The following PUM1 variants were observed in gnomAD, a reference collection of about 807,000 sequenced individuals.
The protein encoded by PUM1 is pumilio RNA binding family member 1.
A neutral mutation model predicts 131.8 loss-of-function variants in PUM1; 13 were observed. The ratio of observed to expected loss-of-function variants is 0.10; its 90% CI spans 0.06 to 0.16. The LOEUF (loss-of-function observed/expected upper bound fraction) is 0.16, where lower values mean the gene tolerates loss of function less well. Among genes scored for constraint, PUM1 ranks in the 10% least tolerant of loss-of-function variants. The pLI, the probability that PUM1 is intolerant of heterozygous loss-of-function variation, is 1.00. For missense variants in PUM1, 961 were observed against 1,512.4 expected, an observed-to-expected ratio of 0.64 and a Z score of 6.05; for synonymous variants, 509 against 556.5, an observed-to-expected ratio of 0.91 and a Z score of 1.20.
At chr1:30,956,736 A>C (rs1318384675) in intron 14 of PUM1, among the ~76,000 whole-genome samples, 2 of 152,186 alleles carry the variant, frequency 1.3e-5, no homozygotes, top group Non-Finnish European at 2.9e-5. Context: ...TGTTTTGAAA[A>C]CAATTTAAAG....
chr1:30,947,019 CT>C (rs1268303670), intron 17 of PUM1, among the ~76,000 whole-genome samples: 1 of 152,338 alleles, frequency 6.6e-6, no homozygotes, highest in East Asian at 1.9e-4. Context: ...GAGTTTACCC[CT>C]GGTTAGGCAT....
intron 9 of PUM1, among the ~76,000 whole-genome samples, chr1:30,979,250 A>G (rs1264009567): frequency 1.3e-5 from 2 of 152,248 alleles, no homozygotes; most frequent in Non-Finnish European, 2.9e-5. Context: ...AAAAGAGCTT[A>G]CTACAGAAGA....
intron 6 of PUM1, 76 bp from the exon 7 acceptor site, chr1:30,992,736 A>T: frequency 3.9e-6 from 5 of 1,282,730 alleles, no homozygotes; most frequent in Non-Finnish European, 5.5e-6. Context: ...TTTAAGGACA[A>T]TGTCCTCAAC....
intron 2 of PUM1, among the ~76,000 whole-genome samples, chr1:31,058,971 ACT>A (rs1417580596): frequency 9.2e-5 from 14 of 151,976 alleles, no homozygotes; most frequent in Non-Finnish European, 1.8e-4. Context: ...ACAGAGCAAG[ACT>A]CTGTCTCAAA....
At chr1:30,997,937 C>T (rs970536695) in intron 5 of PUM1, among the ~76,000 whole-genome samples, 14 of 149,686 alleles carry the variant, frequency 9.4e-5, no homozygotes, top group African/African-American at 2.5e-4. Flanking sequence ...TATACTGCCA[C>T]GGGCCAGATT....
At chr1:30,981,281 T>A in intron 8 of PUM1, 31 bp downstream of exon 8, 17 of 1,411,894 alleles carry the variant, frequency 1.2e-5, no homozygotes, top group Non-Finnish European at 1.7e-5. Flanking sequence ...GCCACACCTA[T>A]CATGAAAGAG....
intron 3 of PUM1, among the ~76,000 whole-genome samples, chr1:31,017,689 C>G (rs1472600466): frequency 1.3e-5 from 2 of 152,108 alleles, no homozygotes; most frequent in East Asian, 3.9e-4. Context: ...CCAAGGTAGG[C>G]AGAAATGAAA....
intron 21 of PUM1, among the ~76,000 whole-genome samples, chr1:30,934,568 A>AG (rs1639119175): frequency 6.6e-6 from 1 of 152,180 alleles, no homozygotes; most frequent in Non-Finnish European, 1.5e-5. Context: ...GGTGGCAAAC[A>AG]GTCCTTGGTT....
chr1:31,053,288 C>CTG, intron 2 of PUM1, among the ~76,000 whole-genome samples: 1 of 151,192 alleles, frequency 6.6e-6, no homozygotes, highest in African/African-American at 2.4e-5. Flanking sequence ...GCGTGAGCCA[C>CTG]CACGCCCAGT....
rs150925328 is a variant in PUM1, at chr1:30,938,245, T to C, written c.3243-1410A>G. Among the ~76,000 whole-genome samples the C allele has an allele frequency of 2.3e-3, 344 of 152,114 alleles. 2 individuals are homozygous for C. The highest frequency in any genetic ancestry group is 8.0e-3 in the African/African-American group (333 of 41,506). ...GGTGACCCAGAGTACAAAGTAAATT[T>C]TTCCACCATTTGAAAAAATTTTTGT... On this transcript the variant is annotated intron_variant, in intron 20 of 21. Coordinates refer to ENST00000426105, the MANE Select transcript of PUM1 (RefSeq NM_001020658.2).
chr1:30,989,362 A>T (rs1450512966), intron 7 of PUM1, among the ~76,000 whole-genome samples: 1 of 152,118 alleles, frequency 6.6e-6, no homozygotes, highest in African/African-American at 2.4e-5. Context: ...ACCTGAGGTC[A>T]GGAGTTCGAA....
At chr1:30,999,382 G>A (rs936011904) in intron 5 of PUM1, among the ~76,000 whole-genome samples, 5 of 151,914 alleles carry the variant, frequency 3.3e-5, no homozygotes, top group African/African-American at 7.3e-5. Context: ...CGAGGCAGGC[G>A]GATCACCTGA....
intron 11 of PUM1, 144 bp from the exon 12 acceptor site, chr1:30,967,454 G>C (rs1049883743): frequency 4.4e-6 from 3 of 680,262 alleles, no homozygotes; most frequent in Admixed American, 6.0e-5. Flanking sequence ...TTAAATAGTT[G>C]AATAAACAGA....
chr1:31,011,954 G>A (rs1570268838), intron 3 of PUM1, among the ~76,000 whole-genome samples: 1 of 152,198 alleles, frequency 6.6e-6, no homozygotes, highest in Non-Finnish European at 1.5e-5. Context: ...GGAATCAGAT[G>A]TAGCCAGTAT....
At chr1:30,967,365 T>G in intron 11 of PUM1, 55 bp from the exon 12 acceptor site, 3 of 1,537,262 alleles carry the variant, frequency 2.0e-6, no homozygotes, top group Non-Finnish European at 2.7e-6. Flanking sequence ...AAGTATCTCC[T>G]GGGCACCAAC....
intron 16 of PUM1, among the ~76,000 whole-genome samples, chr1:30,951,722 T>G (rs947814739): frequency 1.3e-5 from 2 of 152,208 alleles, no homozygotes; most frequent in Non-Finnish European, 2.9e-5. Flanking sequence ...GTGAACATTA[T>G]TCAAATTAAC....
At chr1:30,980,217 A>T in intron 8 of PUM1, 54 bp from the exon 9 acceptor site, 1 of 1,348,918 alleles carries the variant, frequency 7.4e-7, no homozygotes, top group Non-Finnish European at 1.1e-6. Context: ...CTGCAGCCCT[A>T]TCAAATACCT....
At chr1:30,942,192 TATATATATATATA>T in intron 18 of PUM1, 69 bp from the exon 19 acceptor site, 1 of 160,016 alleles carries the variant, frequency 6.2e-6, no homozygotes. Context: ...CAGTATTGTT[TATATATATATATA>T]TATATATATA....
At chr1:30,946,105 A>G (rs1267585237) in intron 17 of PUM1, among the ~76,000 whole-genome samples, 1 of 152,162 alleles carries the variant, frequency 6.6e-6, no homozygotes, top group East Asian at 1.9e-4. Flanking sequence ...GCTTAAAAAA[A>G]AATAAAGGGT....
Sources: gnomAD v4.1 joint callset for allele counts (sites outside exome capture counted in the v4.1 genomes callset) on GRCh38, gnomAD v4.1.1 for gene constraint, MANE v1.5 for transcripts, NCBI Gene and HGNC (gene_info 2026-07-23, HGNC 2026-07-21) for gene names.